The following CDKL5 variants were observed in gnomAD, a reference collection of about 807,000 sequenced individuals.
CDKL5 encodes cyclin-dependent kinase-like 5.
A neutral mutation model predicts 61.7 loss-of-function variants in CDKL5; 8 were observed. The ratio of observed to expected loss-of-function variants is 0.13; its 90% confidence interval spans 0.08 to 0.23. The LOEUF is 0.23. Among genes scored for constraint, CDKL5 ranks in the 10% least tolerant of loss-of-function variants. CDKL5 has a pLI of 1.00. For missense variants in CDKL5, 440 were observed against 734.5 expected, an observed-to-expected ratio of 0.60 and a Z score of 4.63; for synonymous variants, 275 against 272.3, an observed-to-expected ratio of 1.01 and a Z score of -0.10.
At chrX:18,642,700 C>A (rs1015077989), downstream of CDKL5, among the ~76,000 whole-genome samples, 2 of 112,559 alleles carry the variant, frequency 1.8e-5, no homozygotes, top group Non-Finnish European at 3.8e-5. Context: ...TACTTTGATA[C>A]AAGTGATGAG....
chrX:18,634,927 T>C lies in CDKL5; in HGVS notation c.*6170T>C. The C allele has an allele frequency of 1.3e-6, 1 of 748,949 alleles. No individual in the cohort carries two copies. The highest frequency in any genetic ancestry group is 2.4e-5 in the African/African-American group (1 of 42,367). The allele number at this position is 748,949 out of a possible 1,213,427, so 61.7% of individuals were successfully genotyped here. A position where few individuals can be genotyped will look rare whatever the true frequency, so the allele number is the denominator to read the frequency against. On this transcript the variant is annotated 3_prime_UTR_variant, in exon 18 of 18. Coordinates refer to ENST00000623535, the MANE Select transcript of CDKL5 (RefSeq NM_001323289.2). ...GGTGACATTTAGACTCTGTTCATTC[T>C]TAAAAATAGGGATAAGCCAGAATGA...
intron 1 of CDKL5, among the ~76,000 whole-genome samples, chrX:18,470,344 AAAGAAGAAAAGAAAAAAAAAAAAAAG>A: frequency 1.4e-5 from 1 of 69,426 alleles, no homozygotes; most frequent in Non-Finnish European, 2.7e-5. Flanking sequence ...TCAAAAAAAA[AAAGAAGAAAAGAAAAAAAAAAAAAAG>A]AAGAAAAGAA....
chrX:18,529,548 A>G (rs1923568143), intron 3 of CDKL5, among the ~76,000 whole-genome samples: 1 of 111,273 alleles, frequency 9.0e-6, no homozygotes, highest in African/African-American at 3.3e-5. Context: ...TTTAAAGGGC[A>G]GGTCTACTGG....
rs1157170661 is a variant in CDKL5, at chrX:18,633,182, A to G, written c.*4425A>G. Reference sequence around the variant, plus strand: ...TCCTGCATGATAGTGGGATATTGAGATGTGGGTTCTAAGATCCACAGACTC... The same window carrying G: ...TCCTGCATGATAGTGGGATATTGAGGTGTGGGTTCTAAGATCCACAGACTC... On this transcript the variant is annotated 3_prime_UTR_variant, in exon 18 of 18. Coordinates refer to ENST00000623535, the MANE Select transcript of CDKL5 (RefSeq NM_001323289.2). 1 of 752,492 alleles carries G rather than the reference A, an allele frequency of 1.3e-6. No individual in the cohort carries two copies. The highest frequency in any genetic ancestry group is 1.6e-6 in the Non-Finnish European group (1 of 638,966). 62.0% of individuals were successfully genotyped at this position (752,492 alleles called of 1,213,427 possible).
chrX:18,445,477 C>G (rs1317530838), intron 1 of CDKL5, among the ~76,000 whole-genome samples: 2 of 111,733 alleles, frequency 1.8e-5, no homozygotes, highest in African/African-American at 6.5e-5. Context: ...TGTCTTTGTG[C>G]TAGTGGTTCA....
chrX:18,648,822 G>C (rs1023594493), intron 20 of CDKL5, among the ~76,000 whole-genome samples: 1 of 110,984 alleles, frequency 9.0e-6, no homozygotes, highest in Admixed American at 9.6e-5. Flanking sequence ...GAGTGCAGTG[G>C]CTCATGCCTG....
chrX:18,579,556 T>C (rs2147142337), intron 5 of CDKL5, among the ~76,000 whole-genome samples: 1 of 111,488 alleles, frequency 9.0e-6, no homozygotes, highest in Admixed American at 9.6e-5. Context: ...TTTGTATTGC[T>C]TTTCTCTTCT....
intron 1 of CDKL5, among the ~76,000 whole-genome samples, chrX:18,479,363 AGGC>A (rs1428626730): frequency 1.2e-5 from 1 of 81,669 alleles, no homozygotes; most frequent in African/African-American, 5.1e-5. Flanking sequence ...ACTCTCGCCC[AGGC>A]TGGAGTGCAG....
intron 1 of CDKL5, among the ~76,000 whole-genome samples, chrX:18,462,107 A>G (rs1207185821): frequency 1.1e-5 from 1 of 89,830 alleles, no homozygotes; most frequent in African/African-American, 4.2e-5. Flanking sequence ...TTTTTAGCTT[A>G]TTGGTTATCG....
intron 20 of CDKL5, chrX:18,650,032 A>C: frequency 3.8e-6 from 1 of 263,994 alleles, no homozygotes; most frequent in Non-Finnish European, 7.0e-6. Context: ...GGCAGAGGGG[A>C]AGGGAAAAAG....
At chrX:18,459,434 C>T (rs1027291516) in intron 1 of CDKL5, among the ~76,000 whole-genome samples, 18 of 108,721 alleles carry the variant, frequency 1.7e-4, no homozygotes, top group Non-Finnish European at 2.7e-4. Flanking sequence ...TGGTAGTGGG[C>T]GACTGTAATC....
intron 3 of CDKL5, among the ~76,000 whole-genome samples, chrX:18,557,346 T>G (rs1174468945): frequency 2.7e-5 from 3 of 111,899 alleles, no homozygotes; most frequent in Non-Finnish European, 5.6e-5. Context: ...AAAAGATAAT[T>G]TAAAGTATAT....
chrX:18,574,240 A>G (rs1020143754), intron 4 of CDKL5, among the ~76,000 whole-genome samples: 5 of 112,103 alleles, frequency 4.5e-5, no homozygotes, highest in African/African-American at 1.6e-4. Context: ...TATAATGCAC[A>G]GCACTCAGTA....
intron 3 of CDKL5, among the ~76,000 whole-genome samples, chrX:18,542,092 A>G (rs761324449): frequency 1.3e-4 from 14 of 111,300 alleles, no homozygotes; most frequent in Non-Finnish European, 2.6e-4. Context: ...ATCTTATTTA[A>G]TCTCCTGTTT....
At chrX:18,478,746 T>C (rs1921426056) in intron 1 of CDKL5, among the ~76,000 whole-genome samples, 1 of 106,768 alleles carries the variant, frequency 9.4e-6, no homozygotes, top group Non-Finnish European at 1.9e-5. Flanking sequence ...AGTCTGGCTC[T>C]GTTGCCCAGG....
chrX:18,646,191 G>A (rs1310540393), intron 20 of CDKL5: 10 of 1,138,361 alleles, frequency 8.8e-6, no homozygotes, highest in Middle Eastern at 2.9e-4. Flanking sequence ...TTGCTCTGTC[G>A]CCCAGGCTGG....
chrX:18,535,120 C>G (rs942037345), intron 3 of CDKL5: 1 of 112,455 alleles, frequency 8.9e-6, no homozygotes, highest in East Asian at 2.8e-4. Flanking sequence ...AAGCTTAGTC[C>G]CCAGCTGGAG....
intron 3 of CDKL5, 44 bp downstream of exon 3, chrX:18,510,898 C>T: frequency 1.0e-6 from 1 of 988,373 alleles, no homozygotes; most frequent in Non-Finnish European, 1.4e-6. Context: ...ATATGTTTAA[C>T]TGTTTTGAAA....
chrX:18,646,673 T>G (rs1169077254), intron 20 of CDKL5, among the ~76,000 whole-genome samples: 1 of 111,417 alleles, frequency 9.0e-6, no homozygotes, highest in Non-Finnish European at 1.9e-5. Context: ...CACTTGTGCT[T>G]CAGGCTTGCT....
Sources: gnomAD v4.1 joint callset for allele counts (sites outside exome capture counted in the v4.1 genomes callset) on GRCh38, gnomAD v4.1.1 for gene constraint, MANE v1.5 for transcripts, NCBI Gene and HGNC (gene_info 2026-07-23, HGNC 2026-07-21) for gene names.